Variants in SCN9A observed in about 807,000 individuals in gnomAD.
SCN9A encodes sodium voltage-gated channel alpha subunit 9, also known as sodium channel protein type 9 subunit alpha.
In SCN9A, 131 loss-of-function variants were observed where a neutral mutation model predicts 187.0. The observed-to-expected ratio is 0.70, with a 90% CI of 0.61 to 0.81. The LOEUF is 0.81. Ranked by LOEUF, SCN9A falls within the 30% of genes least tolerant of loss-of-function variation. The probability of loss-of-function intolerance (pLI) is 0.00; values close to 1 mark genes in which losing one functional copy is unlikely to be tolerated. For missense variants in SCN9A, 2,252 were observed against 2,396.6 expected, an observed-to-expected ratio of 0.94 and a Z score of 1.26; for synonymous variants, 809 against 808.6, an observed-to-expected ratio of 1.00 and a Z score of -0.01.
At chr2:166,360,221 AAAAAAAAAAAAAAAG>A (rs1289963335) in intron 1 of SCN9A, among the ~76,000 whole-genome samples, 3 of 85,116 alleles carry the variant, frequency 3.5e-5, no homozygotes, top group African/African-American at 7.0e-5. Flanking sequence ...CTCTGTCTCA[AAAAAAAAAAAAAAAG>A]AAAAAAAAAA....
chr2:166,238,293 A>G, intron 19 of SCN9A, 26 bp from the exon 20 acceptor site: 2 of 1,413,104 alleles, frequency 1.4e-6, no homozygotes, highest in Non-Finnish European at 1.9e-6. Context: ...TCAAGTTTCA[A>G]TCATGCACAA....
rs753822039 is a variant in SCN9A at position 166,286,566 on chromosome 2, G to T, written c.1372C>A (p.Leu458Ile). The change falls in exon 11 of 27, where the codon CTC becomes ATC. Residue 458 changes from leucine (L) to isoleucine (I), a missense_variant. This residue lies in a region of SCN9A where 1,013 missense variants were observed against 997.4 expected (regional missense o/e 1.02). Transcript: ENST00000642356. The stretch of plus-strand genomic sequence containing the variant: ...GATGTTTCAGAAGAACTCTCTGAGA[G>T]GCCCATAATTCTGCTTCTCCTAATA... ...TSIRRSRIMG[L>I]SESSSETSKL... The T allele has an allele frequency of 6.2e-7, 1 of 1,602,158 alleles. No homozygotes were observed. Among genetic ancestry groups the T allele is most frequent in the Non-Finnish European group, 8.5e-7 (1 of 1,176,128 alleles).
intron 1 of SCN9A, among the ~76,000 whole-genome samples, chr2:166,314,015 T>C (rs1351246269): frequency 6.6e-6 from 1 of 152,180 alleles, no homozygotes; most frequent in African/African-American, 2.4e-5. Flanking sequence ...ATTTAATGAT[T>C]GTTTGCTGTC....
At chr2:166,232,762 GAGA>G (rs1695140486) in intron 21 of SCN9A, among the ~76,000 whole-genome samples, 1 of 137,422 alleles carries the variant, frequency 7.3e-6, no homozygotes, top group Non-Finnish European at 1.5e-5. Context: ...TAGAGAGAGA[GAGA>G]GTATGCATAT....
intron 24 of SCN9A, among the ~76,000 whole-genome samples, chr2:166,224,811 C>G (rs987002924): frequency 1.3e-5 from 2 of 152,082 alleles, no homozygotes; most frequent in Non-Finnish European, 2.9e-5. Context: ...CTAGAAAAAG[C>G]AATTCTGGAG....
rs1693254282 is a variant in SCN9A, at chr2:166,196,615, A to T, written c.*2057T>A. ...TAACGGTAGATTGAATTCAAATTTA[A>T]GGTGATGTTAAATTCTTAATTGAAT... On this transcript the variant is annotated 3_prime_UTR_variant, in exon 27 of 27. Coordinates refer to ENST00000642356, the MANE Select transcript of SCN9A (RefSeq NM_001365536.1). 1 of 152,146 alleles carries T rather than the reference A, an allele frequency of 6.6e-6. No homozygotes were observed. Among genetic ancestry groups the T allele is most frequent in the Non-Finnish European group, 1.5e-5 (1 of 67,972 alleles). 9.4% of individuals were successfully genotyped at this position (152,146 alleles called of 1,614,324 possible). A position where few individuals can be genotyped will look rare whatever the true frequency, so the allele number is the denominator to read the frequency against.
intron 16 of SCN9A, among the ~76,000 whole-genome samples, chr2:166,275,268 G>A (rs111549425): frequency 1.3e-5 from 2 of 152,064 alleles, no homozygotes; most frequent in African/African-American, 2.4e-5. Flanking sequence ...CCAATTTCAC[G>A]ATTTTATGTC....
intron 2 of SCN9A, 77 bp downstream of exon 2, chr2:166,311,422 A>T: frequency 8.8e-7 from 1 of 1,132,762 alleles, no homozygotes; most frequent in East Asian, 3.0e-5. Flanking sequence ...ACTAAATTTC[A>T]CTAATCTCAA....
intron 4 of SCN9A, 49 bp downstream of exon 4, chr2:166,306,461 T>A (rs1394400374): frequency 9.6e-7 from 1 of 1,045,344 alleles, no homozygotes; most frequent in Non-Finnish European, 1.5e-6. Context: ...AAGGAAAGGA[T>A]GAAATGATAA....
intron 22 of SCN9A, among the ~76,000 whole-genome samples, chr2:166,227,991 G>A (rs950805040): frequency 1.3e-5 from 2 of 152,020 alleles, no homozygotes; most frequent in Non-Finnish European, 2.9e-5. Flanking sequence ...TAAAGGTGAA[G>A]GAAAATTTTA....
intron 7 of SCN9A, among the ~76,000 whole-genome samples, chr2:166,295,291 T>G (rs1172570982): frequency 6.6e-6 from 1 of 152,184 alleles, no homozygotes; most frequent in African/African-American, 2.4e-5. Flanking sequence ...TTGCATATCA[T>G]AGAAATGAGT....
chr2:166,288,590 G>GA lies in SCN9A; in HGVS notation c.1160dup (p.Leu388ProfsTer19). ...AGTTTATTAGATAAAAGGAGCCCAG[G>GA]AAAATCACTACGACAAAGAAGATCA... On this transcript the variant is annotated frameshift_variant, in exon 10 of 27. Transcript: ENST00000642356. LOFTEE classifies it high-confidence loss of function. 6.2e-7 allele frequency: 1 copy of GA among 1,611,638 alleles called. No homozygotes were observed. The highest frequency in any genetic ancestry group is 8.5e-7 in the Non-Finnish European group (1 of 1,178,386).
At chr2:166,270,701 T>C (rs980329327) in intron 17 of SCN9A, among the ~76,000 whole-genome samples, 8 of 151,514 alleles carry the variant, frequency 5.3e-5, no homozygotes, top group African/African-American at 1.9e-4. Flanking sequence ...CTTGGCTTAC[T>C]GCAACCTCCG....
chr2:166,315,056 A>C (rs921783923), intron 1 of SCN9A, among the ~76,000 whole-genome samples: 1 of 152,234 alleles, frequency 6.6e-6, no homozygotes. Context: ...GAATAGGAAG[A>C]GATTTAGTAA....
intron 1 of SCN9A, among the ~76,000 whole-genome samples, chr2:166,372,082 G>GTA (rs72520704): frequency 2.9e-5 from 1 of 34,848 alleles, no homozygotes; most frequent in African/African-American, 2.6e-4. Context: ...ACCATACAAA[G>GTA]TGTGTGTGTG....
chr2:166,239,431 A>G (rs1695469652), intron 19 of SCN9A, among the ~76,000 whole-genome samples: 1 of 152,128 alleles, frequency 6.6e-6, no homozygotes, highest in Non-Finnish European at 1.5e-5. Flanking sequence ...GATTCTTCTT[A>G]TTCTACGTTC....
chr2:166,304,242 G>C lies in SCN9A; in HGVS notation c.684C>G (p.Ile228Met), dbSNP rs71428908. The part of the protein sequence containing the change: ...VLRALKTISV[I>M]PGLKTIVGAL... ...TTCACACCAATTACTTCTTACCTGG[G>C]ATTACAGAAATAGTTTTCAAAGCTC... The change falls in exon 6 of 27, where the codon ATC (isoleucine) becomes ATG (methionine). Residue 228 changes from isoleucine to methionine, a missense_variant. Coordinates refer to ENST00000642356, the MANE Select transcript of SCN9A (RefSeq NM_001365536.1). 1.2e-3 allele frequency: 1,909 copies of C among 1,613,092 alleles called. 1 individual carries two copies. Among genetic ancestry groups the C allele is most frequent in the Non-Finnish European group, 1.5e-3 (1,788 of 1,179,228 alleles).
At chr2:166,346,087 G>T (rs980356772) in intron 1 of SCN9A, among the ~76,000 whole-genome samples, 6 of 152,132 alleles carry the variant, frequency 3.9e-5, no homozygotes, top group Admixed American at 2.0e-4. Context: ...GGGCTTTTGA[G>T]TAACCTGTGC....
chr2:166,233,597 C>G (rs1695191001), intron 20 of SCN9A, 135 bp from the exon 21 acceptor site: 1 of 512,146 alleles, frequency 2.0e-6, no homozygotes, highest in South Asian at 3.8e-5. Context: ...GTAGTCAATG[C>G]CTAAAAATAG....
Sources: gnomAD v4.1 joint callset for allele counts (sites outside exome capture counted in the v4.1 genomes callset) on GRCh38, gnomAD v4.1.1 for gene constraint, gnomAD v4.1.1 regional missense constraint, MANE v1.5 for transcripts, NCBI Gene and HGNC (gene_info 2026-07-23, HGNC 2026-07-21) for gene names.